CPEB3: variants seen among roughly 807,000 people sequenced by gnomAD.
CPEB3 encodes the protein cytoplasmic polyadenylation element-binding protein 3.
Under a neutral mutation model 67.2 loss-of-function variants are expected in CPEB3, and 20 were observed. That is an observed-to-expected ratio of 0.30 (90% CI 0.21 to 0.43). The LOEUF is 0.43. CPEB3 is among the 20% of genes least tolerant of loss of function. The pLI, the probability that CPEB3 is intolerant of heterozygous loss-of-function variation, is 1.00. For synonymous variants in CPEB3, 376 were observed against 393.1 expected (o/e 0.96, Z 0.51); for missense variants, 746 against 968.6 (o/e 0.77, Z 3.05).
intron 2 of CPEB3, among the ~76,000 whole-genome samples, chr10:92,231,206 G>T (rs1030340472): frequency 1.3e-5 from 2 of 152,034 alleles, no homozygotes; most frequent in Non-Finnish European, 2.9e-5. Context: ...TAGCTTTCTA[G>T]AATAGGCAGT....
At chr10:92,144,662 T>C (rs766006992) in intron 5 of CPEB3, among the ~76,000 whole-genome samples, 2 of 152,218 alleles carry the variant, frequency 1.3e-5, no homozygotes, top group Non-Finnish European at 2.9e-5. Flanking sequence ...CCATCAGCTA[T>C]ATAACCCTGA....
intron 3 of CPEB3, 34 bp downstream of exon 3, chr10:92,192,443 C>G: frequency 6.4e-7 from 1 of 1,555,062 alleles, no homozygotes; most frequent in South Asian, 1.2e-5. Flanking sequence ...GCTTAAAACA[C>G]CAAGCAAGAA....
At chr10:92,281,787 T>C (rs1353292892) in intron 1 of CPEB3, among the ~76,000 whole-genome samples, 1 of 152,242 alleles carries the variant, frequency 6.6e-6, no homozygotes, top group Non-Finnish European at 1.5e-5. Context: ...TGCATGCACA[T>C]GGTAATGAAA....
At chr10:92,111,568 T>C (rs572339556) in intron 6 of CPEB3, among the ~76,000 whole-genome samples, 2 of 152,186 alleles carry the variant, frequency 1.3e-5, no homozygotes, top group Non-Finnish European at 2.9e-5. Flanking sequence ...GCCACAGGGA[T>C]AAACCTTGAA....
intron 6 of CPEB3, chr10:92,137,394 G>A (rs1846154445): frequency 1.8e-6 from 2 of 1,112,772 alleles, no homozygotes; most frequent in South Asian, 1.6e-5. Flanking sequence ...TGTTTGTACT[G>A]GACGAAGCTG....
chr10:92,262,260 A>C (rs1259438351), intron 1 of CPEB3, among the ~76,000 whole-genome samples: 1 of 152,236 alleles, frequency 6.6e-6, no homozygotes, highest in African/African-American at 2.4e-5. Context: ...GATGATGTGT[A>C]AAAAGAACAT....
At position 92,225,063 on chromosome 10, in the gene CPEB3, C is replaced by T. The variant is rs556971004; in HGVS notation, c.1005+14283G>A. On this transcript the variant is annotated intron_variant, in intron 2 of 9. Coordinates refer to ENST00000265997, the MANE Select transcript of CPEB3 (RefSeq NM_014912.5). ...AATCTCGGCTCACTGCAACCTCCAC[C>T]TCCTGGGTTCAAGCAATTCTCCTGC... Among the ~76,000 whole-genome samples, 76 of 151,446 alleles carry T rather than the reference C, an allele frequency of 5.0e-4. 2 individuals carry two copies. Among genetic ancestry groups the T allele is most frequent in the Non-Finnish European group, 1.0e-3 (69 of 67,898 alleles).
chr10:92,200,545 CAAAAAAAAAAAAA>C (rs57165866), intron 2 of CPEB3, among the ~76,000 whole-genome samples: 64 of 54,550 alleles, frequency 1.2e-3, no homozygotes, highest in African/African-American at 4.8e-3. Context: ...AACTCCGTCT[CAAAAAAAAAAAAA>C]AAAAAAAAAA....
At position 92,051,946 on chromosome 10, in the gene CPEB3, AAAAAATTAAG is replaced by A. The variant is rs1841908169; in HGVS notation, c.*256_*265del. On this transcript the variant is annotated 3_prime_UTR_variant, in exon 10 of 10. Transcript: ENST00000265997. Reference sequence around the variant, plus strand: ...CTGTCACGAGTGACAAATCAGGTATAAAAAATTAAGGTACCAAGCAGACAAAGGTGTGAAT... The same window carrying A: ...CTGTCACGAGTGACAAATCAGGTATAGTACCAAGCAGACAAAGGTGTGAAT... 2.9e-6 allele frequency: 1 copy of A among 349,448 alleles called. No individual in the cohort carries two copies. Among genetic ancestry groups the A allele is most frequent in the Non-Finnish European group, 5.2e-6 (1 of 191,566 alleles). 21.6% of individuals were successfully genotyped at this position (349,448 alleles called of 1,614,324 possible).
chr10:92,182,535 G>A (rs1848502409), intron 3 of CPEB3, among the ~76,000 whole-genome samples: 1 of 152,078 alleles, frequency 6.6e-6, no homozygotes, highest in Admixed American at 6.6e-5. Flanking sequence ...CATATTAAGA[G>A]GTAGGGAAGG....
chr10:92,202,794 T>C (rs1849578386), intron 2 of CPEB3, among the ~76,000 whole-genome samples: 1 of 151,938 alleles, frequency 6.6e-6, no homozygotes, highest in Non-Finnish European at 1.5e-5. Context: ...TGTTCTAGAA[T>C]TAGATCATAA....
At chr10:92,279,080 T>C (rs1287445027) in intron 1 of CPEB3, among the ~76,000 whole-genome samples, 2 of 152,178 alleles carry the variant, frequency 1.3e-5, no homozygotes, top group East Asian at 1.9e-4. Context: ...CAACGTTGAA[T>C]AGAGGATGTA....
intron 9 of CPEB3, among the ~76,000 whole-genome samples, chr10:92,068,276 G>A (rs1842630153): frequency 6.6e-6 from 1 of 152,156 alleles, no homozygotes; most frequent in African/African-American, 2.4e-5. Flanking sequence ...AATGGGGCTG[G>A]AGGTATGGGT....
At chr10:92,121,536 A>C (rs1356500610) in intron 6 of CPEB3, among the ~76,000 whole-genome samples, 1 of 151,688 alleles carries the variant, frequency 6.6e-6, no homozygotes, top group Non-Finnish European at 1.5e-5. Context: ...TTTTTTAAAT[A>C]AAAATTTGTG....
intron 9 of CPEB3, among the ~76,000 whole-genome samples, chr10:92,074,959 T>A (rs1842882438): frequency 7.2e-6 from 1 of 138,360 alleles, no homozygotes; most frequent in Non-Finnish European, 1.6e-5. Flanking sequence ...CCCTCCTATA[T>A]ATCCTCCTAC....
chr10:92,203,856 A>G (rs1490990220), intron 2 of CPEB3, among the ~76,000 whole-genome samples: 3 of 152,178 alleles, frequency 2.0e-5, no homozygotes, highest in African/African-American at 7.2e-5. Flanking sequence ...TAAAACTCCC[A>G]AGGTAACCCT....
intron 4 of CPEB3, among the ~76,000 whole-genome samples, chr10:92,151,158 C>T (rs973668015): frequency 6.6e-6 from 1 of 152,160 alleles, no homozygotes. Flanking sequence ...CAGAAGGCTC[C>T]CTTTCCTTCA....
intron 7 of CPEB3, among the ~76,000 whole-genome samples, chr10:92,094,090 A>G (rs189544369): frequency 4.2e-4 from 63 of 151,546 alleles, no homozygotes; most frequent in Non-Finnish European, 5.9e-5. Flanking sequence ...CTTGACCTCA[A>G]GGGATCCGCC....
At chr10:92,287,836 T>A (rs182677483) in intron 1 of CPEB3, among the ~76,000 whole-genome samples, 101 of 152,300 alleles carry the variant, frequency 6.6e-4, no homozygotes, top group Admixed American at 1.5e-3. Flanking sequence ...AATACTTTCA[T>A]CCCTCTAATA....
Sources: gnomAD v4.1 joint callset for allele counts (sites outside exome capture counted in the v4.1 genomes callset) on GRCh38, gnomAD v4.1.1 for gene constraint, MANE v1.5 for transcripts, NCBI Gene and HGNC (gene_info 2026-07-23, HGNC 2026-07-21) for gene names.